Variants in RPTOR observed in about 807,000 individuals in gnomAD.
RPTOR encodes the protein regulatory associated protein of MTOR complex 1.
In RPTOR, 21 loss-of-function variants were observed where a neutral mutation model predicts 169.9. The ratio of observed to expected loss-of-function variants is 0.12; its 90% CI spans 0.09 to 0.18. RPTOR has a LOEUF of 0.18. RPTOR is among the 10% of genes least tolerant of loss of function. RPTOR has a pLI of 1.00. For synonymous variants in RPTOR, 732 were observed against 753.2 expected (o/e 0.97, Z 0.46); for missense variants, 1,133 against 1,855.9 (o/e 0.61, Z 7.16).
chr17:80,955,824 G>A (rs1270568652), intron 28 of RPTOR, among the ~76,000 whole-genome samples: 1 of 152,184 alleles, frequency 6.6e-6, no homozygotes, highest in Non-Finnish European at 1.5e-5. Flanking sequence ...TACATGACTG[G>A]CAGTTCCGTT....
rs1598212793 is a variant in RPTOR, at chr17:80,676,296, A to G, written c.349-31545A>G. ...GCGAATGGGATTTGATTAAATGTAA[A>G]AGTTTCTGAGGGAAGTGAATCACTG... On this transcript the variant is annotated intron_variant, in intron 3 of 33. Coordinates refer to ENST00000306801, the MANE Select transcript of RPTOR (RefSeq NM_020761.3). Among the ~76,000 whole-genome samples the G allele has an allele frequency of 5.3e-5, 8 of 152,238 alleles. No homozygotes were observed. In the South Asian group the frequency reaches 1.7e-3, roughly 32 times the overall value.
chr17:80,796,990 C>T (rs182517159), intron 7 of RPTOR, among the ~76,000 whole-genome samples: 6 of 152,344 alleles, frequency 3.9e-5, no homozygotes, highest in Non-Finnish European at 5.9e-5. Flanking sequence ...TCCAAGTGGA[C>T]GTCAGTTTTT....
chr17:80,883,605 T>C, intron 15 of RPTOR, 121 bp downstream of exon 15: 1 of 1,218,000 alleles, frequency 8.2e-7, no homozygotes, highest in Non-Finnish European at 1.2e-6. Flanking sequence ...GCTCTGACCC[T>C]TCATCTAGCC....
At chr17:80,727,766 T>C (rs540582213) in intron 4 of RPTOR, among the ~76,000 whole-genome samples, 1 of 152,282 alleles carries the variant, frequency 6.6e-6, no homozygotes, top group East Asian at 1.9e-4. Flanking sequence ...TTCAGCTTTT[T>C]TTTTTACCAG....
At chr17:80,743,627 A>G (rs1567886908) in intron 5 of RPTOR, among the ~76,000 whole-genome samples, 3 of 151,814 alleles carry the variant, frequency 2.0e-5, no homozygotes, top group African/African-American at 7.3e-5. Flanking sequence ...TGCTACTTTA[A>G]TTAACTCACT....
intron 3 of RPTOR, among the ~76,000 whole-genome samples, chr17:80,704,936 A>T (rs975858331): frequency 6.6e-6 from 1 of 152,282 alleles, no homozygotes; most frequent in African/African-American, 2.4e-5. Context: ...AGAGCTGGGC[A>T]TTGAACAGGC....
chr17:80,873,052 C>T (rs1226724150), intron 13 of RPTOR, among the ~76,000 whole-genome samples: 1 of 152,214 alleles, frequency 6.6e-6, no homozygotes, highest in East Asian at 1.9e-4. Context: ...TCCTGTCCCA[C>T]ACTCTTTCGC....
chr17:80,865,906 A>G (rs954957774), intron 13 of RPTOR, among the ~76,000 whole-genome samples: 1 of 152,202 alleles, frequency 6.6e-6, no homozygotes, highest in Non-Finnish European at 1.5e-5. Context: ...CAACAAATGT[A>G]AAGAACTGAA....
At chr17:80,862,439 G>T (rs1243890354) in intron 13 of RPTOR, among the ~76,000 whole-genome samples, 1 of 151,288 alleles carries the variant, frequency 6.6e-6, no homozygotes, top group Non-Finnish European at 1.5e-5. Flanking sequence ...GTCTGGCCAT[G>T]GATGTTGCTG....
chr17:80,773,661 T>A (rs7211454), intron 6 of RPTOR, among the ~76,000 whole-genome samples: 2 of 152,056 alleles, frequency 1.3e-5, no homozygotes, highest in African/African-American at 4.8e-5. Context: ...AGCCTTGTTC[T>A]GAGCTGGCTG....
At chr17:80,853,463 T>G (rs2067817170) in intron 11 of RPTOR, among the ~76,000 whole-genome samples, 2 of 152,112 alleles carry the variant, frequency 1.3e-5, no homozygotes, top group South Asian at 4.1e-4. Context: ...GGGCGGTCAT[T>G]TGTTTAATGT....
chr17:80,799,493 T>C (rs1341416134), intron 7 of RPTOR, among the ~76,000 whole-genome samples: 1 of 152,218 alleles, frequency 6.6e-6, no homozygotes, highest in Non-Finnish European at 1.5e-5. Flanking sequence ...GTTTCATTCT[T>C]TTGTCTCAAC....
intron 6 of RPTOR, among the ~76,000 whole-genome samples, chr17:80,759,032 G>C (rs1022122390): frequency 2.0e-5 from 3 of 151,670 alleles, no homozygotes; most frequent in South Asian, 2.1e-4. Flanking sequence ...GGAAGGACTT[G>C]GCTTCCCTCC....
In RPTOR at chr17:80,877,093, C is replaced by T. The variant is rs561078300; in HGVS notation, c.1510-3322C>T. Among the ~76,000 whole-genome samples the T allele has an allele frequency of 7.9e-5, 12 of 151,668 alleles. No homozygotes were observed. In the East Asian group the frequency reaches 2.3e-3, roughly 29 times the overall value. On this transcript the variant is annotated intron_variant, in intron 13 of 33. Transcript: ENST00000306801. ...GGGTCTTCCCACTGAGCCCGTGCCA[C>T]GCAGGGAGTGTGTGTTGCCTGCTGG...
intron 1 of RPTOR, among the ~76,000 whole-genome samples, chr17:80,584,173 C>T (rs1448122668): frequency 6.6e-6 from 1 of 152,158 alleles, no homozygotes; most frequent in Non-Finnish European, 1.5e-5. Context: ...AGTTCTTTCT[C>T]AGCAGTGAAG....
intron 6 of RPTOR, among the ~76,000 whole-genome samples, chr17:80,765,945 A>G (rs1420797445): frequency 2.0e-5 from 3 of 152,224 alleles, no homozygotes; most frequent in African/African-American, 7.2e-5. Flanking sequence ...CAGTATTAGA[A>G]TTCCTGACCC....
chr17:80,546,568 C>G (rs116186672), intron 1 of RPTOR, among the ~76,000 whole-genome samples: 1,931 of 152,232 alleles, frequency 0.013, 51 homozygotes, highest in African/African-American at 0.044. Flanking sequence ...AAGGGTAGTA[C>G]TGCTTCTCCT....
In RPTOR at chr17:80,695,296, G is replaced by A. The variant is rs565370399; in HGVS notation, c.349-12545G>A. On this transcript the variant is annotated intron_variant, in intron 3 of 33. Coordinates refer to ENST00000306801, the MANE Select transcript of RPTOR (RefSeq NM_020761.3). This position sits in a 1 kb window ranked among gnomAD's most constrained non-coding sequence, Gnocchi z 4.9. The stretch of plus-strand genomic sequence containing the variant: ...CACGAGACTTTCACATCAGCCACCC[G>A]GGCAGGGCCCGCGTTAGTTTAGTTG... Among the ~76,000 whole-genome samples, 2 of 152,336 alleles carry A rather than the reference G, an allele frequency of 1.3e-5. No homozygotes were observed. The highest frequency in any genetic ancestry group is 4.8e-5 in the African/African-American group (2 of 41,572).
rs2068761170 is a variant in RPTOR at position 80,922,777 on chromosome 17, G to A, written c.2574G>A (p.Gln858=). ...QRVLDTSSLT[Q]SAPASPTNKG... Reference sequence around the variant, plus strand: ...TCCTGGACACCTCCTCCCTCACGCAGTCGGCCCCCGCCAGCCCCACCAACA... The same window carrying A: ...TCCTGGACACCTCCTCCCTCACGCAATCGGCCCCCGCCAGCCCCACCAACA... The change falls in exon 22 of 34, where the codon CAG becomes CAA. Residue 858 remains glutamine (Q), a synonymous_variant. Coordinates refer to ENST00000306801, the MANE Select transcript of RPTOR (RefSeq NM_020761.3). 2 of 1,580,082 alleles carry A rather than the reference G, an allele frequency of 1.3e-6. No individual in the cohort carries two copies. The highest frequency in any genetic ancestry group is 1.1e-5 in the South Asian group (1 of 87,346).
Sources: allele counts gnomAD v4.1 joint callset (sites outside exome capture counted in the v4.1 genomes callset), GRCh38; gene constraint gnomAD v4.1.1; non-coding constraint Gnocchi (gnomAD v3.1); transcripts MANE v1.5; gene names NCBI Gene and HGNC (gene_info 2026-07-23, HGNC 2026-07-21).